Variants in SMAD1 observed in about 807,000 individuals in gnomAD.
SMAD1 encodes MAD, mothers against decapentaplegic homolog 1.
In SMAD1, 6 loss-of-function variants were observed where a neutral mutation model predicts 41.6. That is an observed-to-expected ratio of 0.14 (90% CI 0.08 to 0.28). The LOEUF is 0.28. Among genes scored for constraint, SMAD1 ranks in the 10% least tolerant of loss-of-function variants. SMAD1 has a pLI of 1.00. For synonymous variants in SMAD1, 206 were observed against 203.2 expected, an observed-to-expected ratio of 1.01 and a Z score of -0.12; for missense variants, 379 against 582.6, an observed-to-expected ratio of 0.65 and a Z score of 3.60.
At chr4:145,485,691 G>T (rs1177271911) in intron 1 of SMAD1, among the ~76,000 whole-genome samples, 4 of 152,202 alleles carry the variant, frequency 2.6e-5, no homozygotes, top group African/African-American at 9.7e-5. Context: ...GAAGCTGCTG[G>T]ATAAAAGGAG....
intron 2 of SMAD1, among the ~76,000 whole-genome samples, chr4:145,533,724 A>C (rs1731451268): frequency 6.6e-6 from 1 of 152,200 alleles, no homozygotes; most frequent in African/African-American, 2.4e-5. Flanking sequence ...TGTTTTTAAA[A>C]AAGCAAATAA....
intron 4 of SMAD1, among the ~76,000 whole-genome samples, chr4:145,542,983 T>G (rs1025444726): frequency 2.0e-5 from 3 of 151,128 alleles, no homozygotes; most frequent in Non-Finnish European, 3.0e-5. Flanking sequence ...TTTTTTTTTG[T>G]TTTTTTTTGA....
chr4:145,492,399 C>T (rs7686994), intron 1 of SMAD1, among the ~76,000 whole-genome samples: 3,523 of 152,226 alleles, frequency 0.023, 140 homozygotes, highest in African/African-American at 0.079. Flanking sequence ...TTACAGAGTT[C>T]GGGGAAACTT....
At chr4:145,533,224 CTT>C (rs1578802055) in intron 2 of SMAD1, among the ~76,000 whole-genome samples, 2 of 152,236 alleles carry the variant, frequency 1.3e-5, no homozygotes, top group Admixed American at 6.5e-5. Context: ...AGACCTGTCT[CTT>C]TACTTTCCTG....
chr4:145,532,316 G>A (rs1364547989), intron 2 of SMAD1, among the ~76,000 whole-genome samples: 2 of 152,162 alleles, frequency 1.3e-5, no homozygotes, highest in Non-Finnish European at 2.9e-5. Flanking sequence ...TTTTTCTCCT[G>A]AGAGAAAAGG....
chr4:145,509,314 C>T (rs1729952858), intron 1 of SMAD1, among the ~76,000 whole-genome samples: 2 of 152,164 alleles, frequency 1.3e-5, no homozygotes, highest in South Asian at 2.1e-4. Context: ...GCTTCTGTGT[C>T]TCCTGTGTCT....
Position 145,514,595 on chromosome 4 carries a change from T to A in SMAD1, c.-19T>A. 6.4e-7 allele frequency: 1 copy of A among 1,572,686 alleles called. No individual in the cohort carries two copies. The highest frequency in any genetic ancestry group is 1.2e-5 in the South Asian group (1 of 82,152). ...GCTTTATTTCACCATATCCAAGGAG[T>A]ATAACTAGTGCTGTCATTATGAATG... On this transcript the variant is annotated 5_prime_UTR_variant, in exon 2 of 7. Coordinates refer to ENST00000302085, the MANE Select transcript of SMAD1 (RefSeq NM_005900.3). The surrounding 1 kb of genome is among the most constrained non-coding windows in gnomAD (Gnocchi z 4.7).
chr4:145,525,972 G>T (rs1042324819), intron 2 of SMAD1, among the ~76,000 whole-genome samples: 1 of 152,206 alleles, frequency 6.6e-6, no homozygotes, highest in Admixed American at 6.5e-5. Flanking sequence ...TTTTAAAAAT[G>T]GAAGATCAGG....
In SMAD1 at chr4:145,496,114, CTT is replaced by C. The variant is rs1156857721; in HGVS notation, c.-177+14077_-177+14078del. On this transcript the variant is annotated intron_variant, in intron 1 of 6. Coordinates refer to ENST00000302085, the MANE Select transcript of SMAD1 (RefSeq NM_005900.3). ...TTGTCACTGCTGCCTTGATAAAACT[CTT>C]GTTTTTTTTTTCATGTTCTGGGTAA... is the stretch of plus-strand genomic sequence containing the variant. 2.6e-5 allele frequency among the ~76,000 whole-genome samples: 4 copies of C among 151,120 alleles called. No homozygotes were observed. In the South Asian group the frequency reaches 6.3e-4, roughly 24 times the overall value.
intron 1 of SMAD1, among the ~76,000 whole-genome samples, chr4:145,489,487 TAAAACAA>T (rs1299451204): frequency 1.4e-5 from 2 of 146,134 alleles, no homozygotes; most frequent in Non-Finnish European, 2.9e-5. Flanking sequence ...ATAAATAAAA[TAAAACAA>T]AAAACCATGA....
At chr4:145,501,581 G>C (rs564562339) in intron 1 of SMAD1, among the ~76,000 whole-genome samples, 1 of 152,096 alleles carries the variant, frequency 6.6e-6, no homozygotes, top group East Asian at 1.9e-4. Context: ...CAGCACCTGT[G>C]AGATCAGTGG....
chr4:145,511,764 A>G (rs1730093258), intron 1 of SMAD1, among the ~76,000 whole-genome samples: 1 of 152,182 alleles, frequency 6.6e-6, no homozygotes, highest in Non-Finnish European at 1.5e-5. Context: ...TTTTAATTGT[A>G]CATATATTTT....
At chr4:145,532,693 C>G (rs533032928) in intron 2 of SMAD1, among the ~76,000 whole-genome samples, 1 of 152,172 alleles carries the variant, frequency 6.6e-6, no homozygotes, top group Non-Finnish European at 1.5e-5. Flanking sequence ...CAAGGGTCAC[C>G]TTAGTGCACT....
chr4:145,551,514 A>G (rs1284135673), intron 5 of SMAD1, among the ~76,000 whole-genome samples: 2 of 152,214 alleles, frequency 1.3e-5, no homozygotes, highest in Non-Finnish European at 2.9e-5. Flanking sequence ...TTAAAAGACA[A>G]AGGACTAACA....
intron 1 of SMAD1, among the ~76,000 whole-genome samples, chr4:145,508,447 A>G (rs1015517354): frequency 1.3e-5 from 2 of 152,084 alleles, no homozygotes; most frequent in Non-Finnish European, 2.9e-5. Flanking sequence ...TTTTCCTTAC[A>G]TGTAAAATAA....
chr4:145,496,654 C>T (rs1209496202), intron 1 of SMAD1, among the ~76,000 whole-genome samples: 4 of 152,058 alleles, frequency 2.6e-5, no homozygotes, highest in Admixed American at 6.6e-5. Context: ...TGTTTATGCA[C>T]GAGTTCCACA....
chr4:145,521,349 A>T (rs1168179867), intron 2 of SMAD1, among the ~76,000 whole-genome samples: 3 of 151,916 alleles, frequency 2.0e-5, no homozygotes, highest in African/African-American at 7.3e-5. Flanking sequence ...TGTTTTTCAC[A>T]TGGTTCTTGA....
intron 2 of SMAD1, among the ~76,000 whole-genome samples, chr4:145,534,553 G>A: frequency 6.6e-6 from 1 of 152,112 alleles, no homozygotes; most frequent in Admixed American, 6.5e-5. Flanking sequence ...AAAACAGAGT[G>A]GTACTGGGGC....
At chr4:145,531,450 T>C (rs1731313326) in intron 2 of SMAD1, among the ~76,000 whole-genome samples, 1 of 152,060 alleles carries the variant, frequency 6.6e-6, no homozygotes, top group African/African-American at 2.4e-5. Context: ...GGCCATTCTG[T>C]CCCTAGCCCT....
Sources: gnomAD v4.1 joint callset for allele counts (sites outside exome capture counted in the v4.1 genomes callset) on GRCh38, gnomAD v4.1.1 for gene constraint, Gnocchi (gnomAD v3.1) non-coding constraint, MANE v1.5 for transcripts, NCBI Gene and HGNC (gene_info 2026-07-23, HGNC 2026-07-21) for gene names.